The following MACROD2 variants were observed in gnomAD, a reference collection of about 807,000 sequenced individuals.
MACROD2 encodes mono-ADP ribosylhydrolase 2, also known as ADP-ribose glycohydrolase MACROD2.
In MACROD2, 36 loss-of-function variants were observed where a neutral mutation model predicts 70.4. The observed-to-expected ratio is 0.51, with a 90% CI of 0.39 to 0.68. The LOEUF (loss-of-function observed/expected upper bound fraction) is 0.68. MACROD2 is among the 30% of genes least tolerant of loss of function. The pLI, the probability that MACROD2 is intolerant of heterozygous loss-of-function variation, is 0.00. For missense variants in MACROD2, 496 were observed against 538.4 expected (o/e 0.92, Z 0.78); for synonymous variants, 172 against 178.8 (o/e 0.96, Z 0.30).
chr20:14,625,365 G>GAAAAAAAAAAA (rs1317981549), intron 4 of MACROD2, among the ~76,000 whole-genome samples: 31 of 151,846 alleles, frequency 2.0e-4, no homozygotes, highest in Non-Finnish European at 8.8e-5. Context: ...TAGGAATGAG[G>GAAAAAAAAAAA]GGGTATAGGA....
At chr20:14,884,753 C>T (rs1400050455) in intron 5 of MACROD2, among the ~76,000 whole-genome samples, 1 of 152,096 alleles carries the variant, frequency 6.6e-6, no homozygotes, top group Non-Finnish European at 1.5e-5. Flanking sequence ...GGAATTGAGG[C>T]ACAACTGACC....
intron 7 of MACROD2, among the ~76,000 whole-genome samples, chr20:15,487,980 A>G (rs1333165555): frequency 6.6e-6 from 1 of 152,136 alleles, no homozygotes; most frequent in East Asian, 1.9e-4. Flanking sequence ...GAGAGCATAA[A>G]AGCTCCATGA....
At chr20:14,753,317 C>G (rs1283077095) in intron 5 of MACROD2, among the ~76,000 whole-genome samples, 1 of 151,978 alleles carries the variant, frequency 6.6e-6, no homozygotes, top group African/African-American at 2.4e-5. Context: ...TTGAGAAGAC[C>G]AAGTTTCATG....
chr20:15,652,131 A>G (rs2049654276), intron 8 of MACROD2, among the ~76,000 whole-genome samples: 1 of 152,186 alleles, frequency 6.6e-6, no homozygotes, highest in South Asian at 2.1e-4. Context: ...TGTCAGAAAC[A>G]AGCACTCACC....
chr20:14,628,852 T>A (rs181638123), intron 4 of MACROD2: 68 of 152,342 alleles, frequency 4.5e-4, no homozygotes, highest in African/African-American at 1.6e-3. Context: ...AATTAGAAGA[T>A]ACTATTTAGT....
At chr20:14,802,281 G>A (rs1251828865) in intron 5 of MACROD2, among the ~76,000 whole-genome samples, 3 of 152,008 alleles carry the variant, frequency 2.0e-5, no homozygotes, top group Non-Finnish European at 2.9e-5. Context: ...GGTAAAAATT[G>A]GAGTGAAGAA....
At chr20:14,512,689 G>T (rs555757515) in intron 4 of MACROD2, among the ~76,000 whole-genome samples, 1 of 152,206 alleles carries the variant, frequency 6.6e-6, no homozygotes, top group African/African-American at 2.4e-5. Context: ...TACTTGACCT[G>T]AGAGGAGATG....
intron 5 of MACROD2, among the ~76,000 whole-genome samples, chr20:14,800,139 A>G (rs6074801): frequency 0.7 from 106,085 of 151,364 alleles, 38,110 homozygotes; most frequent in Non-Finnish European, 0.77. Flanking sequence ...CTTGATTTCT[A>G]TGACTTCAGT....
chr20:15,330,159 C>G (rs2077976455), intron 6 of MACROD2, among the ~76,000 whole-genome samples: 1 of 152,068 alleles, frequency 6.6e-6, no homozygotes, highest in African/African-American at 2.4e-5. Context: ...ATGAAGTCTC[C>G]TATGTCATGT....
At chr20:14,692,003 T>C (rs1228437836) in intron 5 of MACROD2, among the ~76,000 whole-genome samples, 1 of 152,206 alleles carries the variant, frequency 6.6e-6, no homozygotes, top group African/African-American at 2.4e-5. Context: ...TTCATTTACA[T>C]TAAGCAGTTT....
intron 3 of MACROD2, among the ~76,000 whole-genome samples, chr20:14,321,718 G>C (rs1342314079): frequency 2.6e-5 from 4 of 152,100 alleles, no homozygotes; most frequent in Admixed American, 2.6e-4. Flanking sequence ...TTGGCATGTA[G>C]CTATAAAATA....
At chr20:15,237,502 G>A (rs1568659973) in intron 6 of MACROD2, among the ~76,000 whole-genome samples, 1 of 145,308 alleles carries the variant, frequency 6.9e-6, no homozygotes. Flanking sequence ...CACACTTATG[G>A]CACTCTATTG....
chr20:15,433,459 C>CAAAAAAAAAAA (rs60298297), intron 7 of MACROD2, among the ~76,000 whole-genome samples: 4 of 88,284 alleles, frequency 4.5e-5, no homozygotes, highest in African/African-American at 1.6e-4. Flanking sequence ...ACAAGAGCTG[C>CAAAAAAAAAAA]AAAAAAAAAA....
chr20:14,420,632 G>A (rs1159568625), intron 3 of MACROD2, among the ~76,000 whole-genome samples: 1 of 152,118 alleles, frequency 6.6e-6, no homozygotes, highest in Non-Finnish European at 1.5e-5. Context: ...TTAATCCTGT[G>A]TAAGATAGAT....
At chr20:14,092,192 A>T (rs2054158769) in intron 3 of MACROD2, among the ~76,000 whole-genome samples, 1 of 151,968 alleles carries the variant, frequency 6.6e-6, no homozygotes, top group Non-Finnish European at 1.5e-5. Flanking sequence ...TTTTATTTTT[A>T]AATTTTTTTC....
intron 6 of MACROD2, among the ~76,000 whole-genome samples, chr20:15,304,907 C>T (rs929831327): frequency 3.3e-5 from 5 of 152,228 alleles, no homozygotes; most frequent in African/African-American, 1.2e-4. Flanking sequence ...CACCCCTCTC[C>T]ACAGAAGTAA....
chr20:14,607,600 A>G (rs8116714), intron 4 of MACROD2, among the ~76,000 whole-genome samples: 23,080 of 152,208 alleles, frequency 0.15, 2,424 homozygotes, highest in South Asian at 0.34. Context: ...AGACCAAGGC[A>G]TGTTTCCTGA....
At chr20:14,744,545 G>T (rs1017221480) in intron 5 of MACROD2, among the ~76,000 whole-genome samples, 2 of 152,038 alleles carry the variant, frequency 1.3e-5, no homozygotes, top group Admixed American at 6.6e-5. Flanking sequence ...AACTTACAAT[G>T]TAGTAGCTTG....
intron 3 of MACROD2, among the ~76,000 whole-genome samples, chr20:14,189,685 T>C (rs996501893): frequency 6.6e-6 from 1 of 152,158 alleles, no homozygotes; most frequent in Non-Finnish European, 1.5e-5. Context: ...AGACAATGTG[T>C]TTCCTTGAAA....
Sources: gnomAD v4.1 joint callset for allele counts (sites outside exome capture counted in the v4.1 genomes callset) on GRCh38, gnomAD v4.1.1 for gene constraint, MANE v1.5 for transcripts, NCBI Gene and HGNC (gene_info 2026-07-23, HGNC 2026-07-21) for gene names.